The following ADAM12 variants were observed in gnomAD, a reference collection of about 807,000 sequenced individuals.
The protein encoded by ADAM12 is disintegrin and metalloproteinase domain-containing protein 12.
A neutral mutation model predicts 106.4 loss-of-function variants in ADAM12; 70 were observed. The ratio of observed to expected loss-of-function variants is 0.66; its 90% confidence interval spans 0.54 to 0.80. The LOEUF (loss-of-function observed/expected upper bound fraction) is 0.80. Ranked by LOEUF, ADAM12 falls within the 30% of genes least tolerant of loss-of-function variation. The pLI is 0.00. For missense variants in ADAM12, 1,010 were observed against 1,171.9 expected (o/e 0.86, Z 2.02); for synonymous variants, 420 against 433.5 (o/e 0.97, Z 0.39).
At chr10:126,165,220 T>G (rs1016887358) in intron 3 of ADAM12, among the ~76,000 whole-genome samples, 2 of 152,102 alleles carry the variant, frequency 1.3e-5, no homozygotes, top group Non-Finnish European at 2.9e-5. Context: ...CAGGCTGGAG[T>G]GCAGTGGTGC....
At chr10:126,340,346 G>A (rs886905855) in intron 1 of ADAM12, among the ~76,000 whole-genome samples, 2 of 152,170 alleles carry the variant, frequency 1.3e-5, no homozygotes, top group African/African-American at 4.8e-5. Flanking sequence ...CAATTGCTAT[G>A]CAAGGAAGCC....
intron 3 of ADAM12, among the ~76,000 whole-genome samples, chr10:126,254,493 T>C (rs1478024946): frequency 1.3e-5 from 2 of 152,222 alleles, no homozygotes; most frequent in Non-Finnish European, 2.9e-5. Context: ...GATGCAGTCT[T>C]GGCCTCTTCC....
At chr10:126,141,052 C>G (rs1186100324) in intron 4 of ADAM12, among the ~76,000 whole-genome samples, 1 of 152,254 alleles carries the variant, frequency 6.6e-6, no homozygotes, top group Admixed American at 6.5e-5. Context: ...GAGGCAGGCA[C>G]CAACTAGGCC....
At chr10:126,274,733 C>A (rs549247543) in intron 3 of ADAM12, among the ~76,000 whole-genome samples, 34 of 152,292 alleles carry the variant, frequency 2.2e-4, no homozygotes, top group South Asian at 1.9e-3. Context: ...CAACCTCAGT[C>A]GCCCTCTTCA....
At chr10:126,321,904 TCG>T (rs887940011) in intron 2 of ADAM12, among the ~76,000 whole-genome samples, 4 of 88,702 alleles carry the variant, frequency 4.5e-5, no homozygotes, top group African/African-American at 1.7e-4. Context: ...TACCTGGGGG[TCG>T]GGGGGGGGGC....
chr10:126,174,750 A>AC lies in ADAM12; in HGVS notation c.261-19446dup, dbSNP rs1199787208. Among the ~76,000 whole-genome samples the AC allele has an allele frequency of 2.2e-5, 3 of 137,886 alleles. No homozygotes were observed. In the South Asian group the frequency reaches 7.3e-4, roughly 33 times the overall value. The allele number at this position is 137,886 out of a possible 152,430, so 90.5% of individuals were successfully genotyped here. On this transcript the variant is annotated intron_variant, in intron 3 of 22. Transcript: ENST00000448723. ...GACATATTTGAGGACCACAGTCCTC[A>AC]CCCCCCCTTTTTTTTTTTTTGAGAC...
intron 21 of ADAM12, among the ~76,000 whole-genome samples, chr10:126,033,301 A>G (rs1225540401): frequency 3.3e-5 from 5 of 152,212 alleles, no homozygotes; most frequent in Non-Finnish European, 7.4e-5. Context: ...GCTAATGGAT[A>G]CATAAAAAGT....
rs1954870672 is a variant in ADAM12 at position 126,066,460 on chromosome 10, G to A, written c.1413+257C>T. On this transcript the variant is annotated intron_variant, in intron 13 of 22. Transcript: ENST00000448723. The surrounding 1 kb of genome is among the most constrained non-coding windows in gnomAD (Gnocchi z 5.1). The stretch of plus-strand genomic sequence containing the variant: ...AATGGAGCATTTAAAGTTGAACTAG[G>A]GTTTATCGGTCTGATCAGTTGTCAG... Among the ~76,000 whole-genome samples the A allele has an allele frequency of 6.6e-6, 1 of 152,148 alleles. No homozygotes were observed.
intron 2 of ADAM12, among the ~76,000 whole-genome samples, chr10:126,319,207 T>A (rs1311687728): frequency 2.0e-5 from 3 of 152,158 alleles, no homozygotes; most frequent in African/African-American, 7.2e-5. Flanking sequence ...TGGATGCAGC[T>A]ACCTCGCCAT....
intron 1 of ADAM12, among the ~76,000 whole-genome samples, chr10:126,340,687 A>C (rs1854892148): frequency 6.6e-6 from 1 of 150,826 alleles, no homozygotes. Context: ...CTGACCCCTT[A>C]ATAGTGCTCA....
intron 2 of ADAM12, among the ~76,000 whole-genome samples, chr10:126,303,540 A>G (rs908894170): frequency 6.6e-6 from 1 of 152,186 alleles, no homozygotes; most frequent in Non-Finnish European, 1.5e-5. Flanking sequence ...CAATTAAGAA[A>G]ATCACCCTAT....
At chr10:126,380,656 C>T (rs1195397798) in intron 1 of ADAM12, among the ~76,000 whole-genome samples, 1 of 152,170 alleles carries the variant, frequency 6.6e-6, no homozygotes, top group Admixed American at 6.5e-5. Context: ...TAAAAAAATA[C>T]TAACCAAACA....
At chr10:126,101,444 G>A (rs1007952684) in intron 8 of ADAM12, among the ~76,000 whole-genome samples, 13 of 152,180 alleles carry the variant, frequency 8.5e-5, no homozygotes, top group African/African-American at 1.9e-4. Context: ...CTAGGTTCTC[G>A]AAGATTGACC....
intron 2 of ADAM12, among the ~76,000 whole-genome samples, chr10:126,299,869 C>G (rs1960544260): frequency 6.6e-6 from 1 of 152,122 alleles, no homozygotes; most frequent in Admixed American, 6.5e-5. Flanking sequence ...GTCTTGAACT[C>G]CTGACCTCAG....
intron 1 of ADAM12, among the ~76,000 whole-genome samples, chr10:126,339,658 C>T (rs1390409727): frequency 6.6e-6 from 1 of 152,054 alleles, no homozygotes; most frequent in African/African-American, 2.4e-5. Context: ...GTGAAAACCC[C>T]AAGGCAGTAG....
In ADAM12 at chr10:126,311,712, G is replaced by A. The variant is rs530325852; in HGVS notation, c.186+18700C>T. On this transcript the variant is annotated intron_variant, in intron 2 of 22. Transcript: ENST00000448723. ...GAGGAGATTCAGGTTTCAGAGTGGTGAACACATCCATGTGCCAGGAGGGTG... is the reference window on the plus strand; with the variant it reads ...GAGGAGATTCAGGTTTCAGAGTGGTAAACACATCCATGTGCCAGGAGGGTG... Among the ~76,000 whole-genome samples the A allele has an allele frequency of 4.6e-5, 7 of 152,234 alleles. No homozygotes were observed. In the South Asian group the frequency reaches 1.5e-3, roughly 32 times the overall value.
chr10:126,109,266 A>C (rs1955826873), intron 7 of ADAM12, among the ~76,000 whole-genome samples: 1 of 152,248 alleles, frequency 6.6e-6, no homozygotes, highest in Non-Finnish European at 1.5e-5. Flanking sequence ...GGCAGTAAAT[A>C]CAGAGAAGAT....
At chr10:126,236,132 T>C (rs1247659610) in intron 3 of ADAM12, among the ~76,000 whole-genome samples, 1 of 152,144 alleles carries the variant, frequency 6.6e-6, no homozygotes. Flanking sequence ...TAGAAGGGAA[T>C]GCCCTCACTT....
At chr10:126,070,652 G>A (rs1480170368) in intron 12 of ADAM12, 1 of 152,080 alleles carries the variant, frequency 6.6e-6, no homozygotes, top group East Asian at 1.9e-4. Context: ...CCTTGAACTT[G>A]TCTACTATTT....
Sources: gnomAD v4.1 joint callset for allele counts (sites outside exome capture counted in the v4.1 genomes callset) on GRCh38, gnomAD v4.1.1 for gene constraint, Gnocchi (gnomAD v3.1) non-coding constraint, MANE v1.5 for transcripts, NCBI Gene and HGNC (gene_info 2026-07-23, HGNC 2026-07-21) for gene names.